CTNNA2: variants seen among roughly 807,000 people sequenced by gnomAD.
CTNNA2 encodes the protein catenin alpha-2.
In CTNNA2, 42 loss-of-function variants were observed where a neutral mutation model predicts 101.0. The ratio of observed to expected loss-of-function variants is 0.42; its 90% CI spans 0.32 to 0.54. The LOEUF (loss-of-function observed/expected upper bound fraction) is 0.54, where lower values mean the gene tolerates loss of function less well. Among genes scored for constraint, CTNNA2 ranks in the 20% least tolerant of loss-of-function variants. The pLI is 0.14. For synonymous variants in CTNNA2, 450 were observed against 456.4 expected, an observed-to-expected ratio of 0.99 and a Z score of 0.18; for missense variants, 871 against 1,223.1, an observed-to-expected ratio of 0.71 and a Z score of 4.29.
At chr2:80,136,868 G>A (rs1425934740) in intron 7 of CTNNA2, among the ~76,000 whole-genome samples, 1 of 152,136 alleles carries the variant, frequency 6.6e-6, no homozygotes, top group East Asian at 1.9e-4. Flanking sequence ...TGGACAGAAG[G>A]TCAGTCAAAT....
chr2:80,237,703 G>T (rs182668432), intron 7 of CTNNA2, among the ~76,000 whole-genome samples: 4 of 152,236 alleles, frequency 2.6e-5, no homozygotes, highest in Admixed American at 2.6e-4. Flanking sequence ...CAACTACAAG[G>T]TTCTAAGGAT....
chr2:79,922,426 TC>T (rs2104385449), intron 7 of CTNNA2, among the ~76,000 whole-genome samples: 1 of 152,278 alleles, frequency 6.6e-6, no homozygotes, highest in Non-Finnish European at 1.5e-5. Flanking sequence ...GACAGATACC[TC>T]TTCTTCCGTG....
intron 13 of CTNNA2, among the ~76,000 whole-genome samples, 170 bp from the exon 14 acceptor site, chr2:80,581,536 A>AT (rs1695542654): frequency 6.6e-6 from 1 of 151,932 alleles, no homozygotes; most frequent in South Asian, 2.1e-4. Context: ...GGGCAGCTTG[A>AT]TTTTTCTGAC....
intron 9 of CTNNA2, among the ~76,000 whole-genome samples, chr2:80,473,989 C>T (rs925727155): frequency 2.0e-5 from 3 of 152,174 alleles, no homozygotes; most frequent in Non-Finnish European, 4.4e-5. Flanking sequence ...TCCTGCCCAG[C>T]CACACACAGC....
At chr2:79,870,015 G>A in intron 5 of CTNNA2, 80 bp downstream of exon 5, 2 of 1,512,124 alleles carry the variant, frequency 1.3e-6, no homozygotes, top group Non-Finnish European at 1.8e-6. Context: ...CTGAACAATG[G>A]ATCAACTGCA....
intron 7 of CTNNA2, among the ~76,000 whole-genome samples, chr2:79,955,884 G>A (rs565985481): frequency 3.9e-5 from 6 of 152,256 alleles, no homozygotes; most frequent in Middle Eastern, 3.4e-3. Flanking sequence ...GCTAGGAGCC[G>A]ATGAGTATAC....
intron 2 of CTNNA2, among the ~76,000 whole-genome samples, chr2:79,264,231 T>G (rs1674961430): frequency 6.6e-6 from 1 of 152,182 alleles, no homozygotes; most frequent in African/African-American, 2.4e-5. Context: ...GAGAGCCAGT[T>G]GTATCTAAAG....
At chr2:80,362,843 G>C (rs1410246480) in intron 7 of CTNNA2, among the ~76,000 whole-genome samples, 3 of 151,884 alleles carry the variant, frequency 2.0e-5, no homozygotes, top group Non-Finnish European at 4.4e-5. Flanking sequence ...TTAGGAACTG[G>C]GCGTGGTGGT....
chr2:79,727,788 T>G (rs1263064040), intron 2 of CTNNA2, among the ~76,000 whole-genome samples: 3 of 141,542 alleles, frequency 2.1e-5, no homozygotes, highest in African/African-American at 7.9e-5. Context: ...CCATGTGTTC[T>G]CATTGTTCAA....
intron 1 of CTNNA2, among the ~76,000 whole-genome samples, chr2:79,560,056 AT>A (rs985702542): frequency 1.1e-4 from 17 of 151,104 alleles, no homozygotes; most frequent in Admixed American, 6.6e-5. Flanking sequence ...GTCTTTGTGC[AT>A]TAGAAACAGA....
intron 7 of CTNNA2, among the ~76,000 whole-genome samples, chr2:80,381,499 AAAC>A (rs1676513156): frequency 6.6e-6 from 1 of 152,126 alleles, no homozygotes; most frequent in African/African-American, 2.4e-5. Flanking sequence ...GAGAGGGAGA[AAAC>A]AACGAGATAG....
rs1173648069 is a variant in CTNNA2 at position 79,413,974 on chromosome 2, AG to A, written c.-135+39962del. On this transcript the variant is annotated intron_variant, in intron 4 of 21. Coordinates refer to the CTNNA2 transcript ENST00000466387. The stretch of plus-strand genomic sequence containing the variant: ...ATATATATATATATATATATATATA[AG>A]CTTTTTAGTTTGATATAATTCTATT... Among the ~76,000 whole-genome samples the A allele has an allele frequency of 3.0e-4, 38 of 125,244 alleles. 1 individual carries two copies. Among genetic ancestry groups the A allele is most frequent in the Admixed American group, 2.5e-3 (30 of 11,920 alleles). The allele number at this position is 125,244 out of a possible 152,430, so 82.2% of individuals were successfully genotyped here. A position where few individuals can be genotyped will look rare whatever the true frequency, so the allele number is the denominator to read the frequency against.
At chr2:79,556,312 G>A (rs1027860269) in intron 1 of CTNNA2, among the ~76,000 whole-genome samples, 2 of 152,000 alleles carry the variant, frequency 1.3e-5, no homozygotes, top group African/African-American at 4.8e-5. Context: ...AGGATCAGAG[G>A]ATTTCCTCCA....
chr2:80,450,347 G>C (rs1433767377), intron 9 of CTNNA2, among the ~76,000 whole-genome samples: 1 of 150,342 alleles, frequency 6.7e-6, no homozygotes, highest in Non-Finnish European at 1.5e-5. Flanking sequence ...ATTACATCTT[G>C]AACAACTAGT....
intron 7 of CTNNA2, among the ~76,000 whole-genome samples, chr2:80,231,930 A>G (rs1709237265): frequency 6.6e-6 from 1 of 152,124 alleles, no homozygotes; most frequent in South Asian, 2.1e-4. Context: ...TATTGCCTCT[A>G]AGGGTGGCCA....
intron 7 of CTNNA2, among the ~76,000 whole-genome samples, chr2:80,073,293 A>T (rs1251211729): frequency 6.6e-6 from 1 of 152,186 alleles, no homozygotes; most frequent in Non-Finnish European, 1.5e-5. Flanking sequence ...GTTTGCAGGC[A>T]GAGAGGTTCC....
chr2:79,363,125 A>T (rs1677667739), intron 3 of CTNNA2, among the ~76,000 whole-genome samples: 1 of 152,228 alleles, frequency 6.6e-6, no homozygotes, highest in Non-Finnish European at 1.5e-5. Flanking sequence ...TGGCTTAAAC[A>T]ACAGAAACTT....
At chr2:79,985,645 C>T (rs1574475216) in intron 7 of CTNNA2, among the ~76,000 whole-genome samples, 1 of 152,286 alleles carries the variant, frequency 6.6e-6, no homozygotes, top group Middle Eastern at 3.4e-3. Flanking sequence ...TAATGTTGCT[C>T]ATTAAGCAAA....
chr2:79,440,484 A>G (rs891508553), intron 4 of CTNNA2, among the ~76,000 whole-genome samples: 1 of 152,152 alleles, frequency 6.6e-6, no homozygotes, highest in African/African-American at 2.4e-5. Flanking sequence ...TATTTTTATT[A>G]TAAACAGAAA....
Sources: allele counts gnomAD v4.1 joint callset (sites outside exome capture counted in the v4.1 genomes callset), GRCh38; gene constraint gnomAD v4.1.1; transcripts MANE v1.5; gene names NCBI Gene and HGNC (gene_info 2026-07-23, HGNC 2026-07-21).